The following PRKCH variants were observed in gnomAD, a reference collection of about 807,000 sequenced individuals.
The protein encoded by PRKCH is protein kinase C eta, also known as protein kinase C eta type.
A neutral mutation model predicts 82.5 loss-of-function variants in PRKCH; 28 were observed. The observed-to-expected ratio is 0.34, with a 90% confidence interval of 0.25 to 0.47. The LOEUF (loss-of-function observed/expected upper bound fraction) is 0.47. PRKCH is among the 20% of genes least tolerant of loss of function. The pLI is 1.00. For synonymous variants in PRKCH, 322 were observed against 327.4 expected (o/e 0.98, Z 0.18); for missense variants, 705 against 881.8 (o/e 0.80, Z 2.54).
chr14:61,313,316 A>G (rs955452292), intron 1 of PRKCH, among the ~76,000 whole-genome samples: 3 of 152,246 alleles, frequency 2.0e-5, no homozygotes, highest in Non-Finnish European at 4.4e-5. Flanking sequence ...AGAAAAGTTA[A>G]TGGAACAACC....
At chr14:61,213,468 G>T (rs1201216608) in intron 1 of PRKCH, among the ~76,000 whole-genome samples, 1 of 152,216 alleles carries the variant, frequency 6.6e-6, no homozygotes, top group Admixed American at 6.5e-5. Context: ...CAAATGCAAA[G>T]AACTGGGGTT....
At chr14:61,445,160 A>C (rs901399738) in intron 3 of PRKCH, among the ~76,000 whole-genome samples, 1 of 152,192 alleles carries the variant, frequency 6.6e-6, no homozygotes, top group Non-Finnish European at 1.5e-5. Context: ...TATTTGGGAG[A>C]GGCAAAGATG....
intron 1 of PRKCH, among the ~76,000 whole-genome samples, chr14:61,292,311 CAAA>C (rs758667290): frequency 1.1e-5 from 1 of 91,878 alleles, no homozygotes; most frequent in African/African-American, 4.0e-5. Context: ...CCTGTCTCTA[CAAA>C]AAAAAAAAAA....
Position 61,281,000 on chromosome 14 carries a change from C to T in PRKCH, c.-19+93332C>T. ...TTGGAGGAGTAGTAGAGGCCCAGGC[C>T]CAGGCCGATGAAGGCCAGGCCCGCG... On this transcript the variant is annotated intron_variant, in intron 1 of 3. Transcript: ENST00000555185. The surrounding 1 kb of genome is among the most constrained non-coding windows in gnomAD (Gnocchi z 5.0). 3.2e-6 allele frequency: 5 copies of T among 1,540,450 alleles called. No homozygotes were observed. The highest frequency in any genetic ancestry group is 4.4e-6 in the Non-Finnish European group (5 of 1,145,686).
At chr14:61,511,796 A>G (rs1361656909) in intron 10 of PRKCH, among the ~76,000 whole-genome samples, 1 of 152,200 alleles carries the variant, frequency 6.6e-6, no homozygotes, top group Non-Finnish European at 1.5e-5. Flanking sequence ...CCACCTTTCT[A>G]GTCAGGAATC....
intron 9 of PRKCH, among the ~76,000 whole-genome samples, chr14:61,470,401 C>T (rs114591496): frequency 0.015 from 2,303 of 152,192 alleles, 62 homozygotes; most frequent in African/African-American, 0.053. Context: ...GCTGTGAGGA[C>T]GCCCTGTCTA....
chr14:61,187,619 CAGG>C (rs1566773708), exon 1 of PRKCH: 1 of 152,554 alleles, frequency 6.6e-6, no homozygotes, highest in African/African-American at 2.4e-5. Context: ...CAAGCTCCTC[CAGG>C]AGAAGGACGC....
At chr14:61,337,519 C>T (rs987561822) in intron 1 of PRKCH, among the ~76,000 whole-genome samples, 20 of 152,196 alleles carry the variant, frequency 1.3e-4, no homozygotes, top group African/African-American at 3.6e-4. Flanking sequence ...CTCCTGGGCT[C>T]AACTGATCCT....
At chr14:61,190,515 C>T (rs2044399937) in intron 1 of PRKCH, among the ~76,000 whole-genome samples, 1 of 152,182 alleles carries the variant, frequency 6.6e-6, no homozygotes, top group Non-Finnish European at 1.5e-5. Flanking sequence ...ACAAAAACCC[C>T]AGGAATTCCA....
At position 61,428,078 on chromosome 14, in the gene PRKCH, C is replaced by G. The variant is rs12888208; in HGVS notation, c.428-15033C>G. On this transcript the variant is annotated intron_variant, in intron 2 of 13. Coordinates refer to ENST00000332981, the MANE Select transcript of PRKCH (RefSeq NM_006255.5). ...AGATAGATAGATAGATAGATAGATA[C>G]ACACACACACACACACACATATATA... Among the ~76,000 whole-genome samples the G allele has an allele frequency of 4.3e-3, 213 of 49,342 alleles. 1 individual carries two copies. The highest frequency in any genetic ancestry group is 0.013 in the African/African-American group (192 of 14,964). 32.4% of individuals were successfully genotyped at this position (49,342 alleles called of 152,430 possible).
intron 3 of PRKCH, among the ~76,000 whole-genome samples, chr14:61,444,366 C>T (rs1326347138): frequency 6.6e-6 from 1 of 152,172 alleles, no homozygotes. Context: ...CCCCACCTCT[C>T]TGTGGTTTGC....
chr14:61,482,788 C>A lies in PRKCH; in HGVS notation c.1279-2714C>A, dbSNP rs80020371. Among the ~76,000 whole-genome samples the A allele has an allele frequency of 1.5e-4, 23 of 152,350 alleles. No individual in the cohort carries two copies. The East Asian group carries it at 4.4e-3, about 29-fold the overall frequency. The stretch of plus-strand genomic sequence containing the variant: ...CCAGAGTCTGGCATTATCTGAGAAT[C>A]TGCCTCCAGGGCTGTAGATGGGGCT... On this transcript the variant is annotated intron_variant, in intron 9 of 13. Transcript: ENST00000332981.
intron 12 of PRKCH, among the ~76,000 whole-genome samples, chr14:61,536,826 C>G (rs939196433): frequency 6.6e-6 from 1 of 152,138 alleles, no homozygotes; most frequent in Non-Finnish European, 1.5e-5. Flanking sequence ...ACTGTCCCCA[C>G]AGGCCCTCCC....
chr14:61,350,255 A>G (rs1178069645), intron 1 of PRKCH, among the ~76,000 whole-genome samples: 1 of 152,176 alleles, frequency 6.6e-6, no homozygotes, highest in Non-Finnish European at 1.5e-5. Context: ...GATTTGTTCT[A>G]AATACTTGAA....
At chr14:61,274,994 C>G (rs183851113) in intron 1 of PRKCH, among the ~76,000 whole-genome samples, 2 of 152,122 alleles carry the variant, frequency 1.3e-5, no homozygotes, top group Non-Finnish European at 2.9e-5. Context: ...TCCTTCAAGA[C>G]CTGTAGGAAA....
chr14:61,269,772 C>A (rs2045136151), intron 1 of PRKCH, among the ~76,000 whole-genome samples: 1 of 152,304 alleles, frequency 6.6e-6, no homozygotes, highest in Non-Finnish European at 1.5e-5. Flanking sequence ...CAGCAGTGCA[C>A]ATCTTTAGAA....
At chr14:61,303,640 T>C (rs2045463513) in intron 1 of PRKCH, 1 of 152,114 alleles carries the variant, frequency 6.6e-6, no homozygotes, top group African/African-American at 2.4e-5. Flanking sequence ...TTGCAATCTT[T>C]TTCTTTTCTT....
intron 1 of PRKCH, among the ~76,000 whole-genome samples, chr14:61,323,373 G>A (rs541439550): frequency 6.6e-6 from 1 of 152,302 alleles, no homozygotes; most frequent in South Asian, 2.1e-4. Context: ...TGATGCAGGT[G>A]TCATCGTTCC....
chr14:61,196,179 G>T (rs532393364), intron 1 of PRKCH, among the ~76,000 whole-genome samples: 1 of 152,222 alleles, frequency 6.6e-6, no homozygotes, highest in African/African-American at 2.4e-5. Context: ...GAAGGAGAAA[G>T]GAATTGGTGC....
Sources: allele counts gnomAD v4.1 joint callset (sites outside exome capture counted in the v4.1 genomes callset), GRCh38; gene constraint gnomAD v4.1.1; non-coding constraint Gnocchi (gnomAD v3.1); transcripts MANE v1.5; gene names NCBI Gene and HGNC (gene_info 2026-07-23, HGNC 2026-07-21).